The following CRMP1 variants were observed in gnomAD, a reference collection of about 807,000 sequenced individuals.
The protein encoded by CRMP1 is dihydropyrimidinase-related protein 1.
Under a neutral mutation model 68.3 loss-of-function variants are expected in CRMP1, and 19 were observed. The observed-to-expected ratio is 0.28, with a 90% CI of 0.19 to 0.41. The LOEUF (loss-of-function observed/expected upper bound fraction) is 0.41, where lower values mean the gene tolerates loss of function less well. Among genes scored for constraint, CRMP1 ranks in the 10% least tolerant of loss-of-function variants. The pLI is 1.00. For synonymous variants in CRMP1, 439 were observed against 399.6 expected, an observed-to-expected ratio of 1.10 and a Z score of -1.18; for missense variants, 791 against 967.4, an observed-to-expected ratio of 0.82 and a Z score of 2.42.
At chr4:5,868,426 T>C (rs937119144) in intron 1 of CRMP1, among the ~76,000 whole-genome samples, 64 of 151,544 alleles carry the variant, frequency 4.2e-4, no homozygotes, top group African/African-American at 1.5e-3. Context: ...CTCAGCCTCC[T>C]GAGTAGCTGG....
chr4:5,862,306 C>A (rs1713633932), intron 2 of CRMP1, among the ~76,000 whole-genome samples: 1 of 148,052 alleles, frequency 6.8e-6, no homozygotes, highest in South Asian at 2.1e-4. Flanking sequence ...CTTATAATAA[C>A]CAATCCCTTA....
At chr4:5,876,357 G>A (rs971283301) in intron 1 of CRMP1, among the ~76,000 whole-genome samples, 2 of 152,026 alleles carry the variant, frequency 1.3e-5, no homozygotes, top group South Asian at 4.1e-4. Context: ...CCCCACTAGA[G>A]CAGTCATTGC....
In CRMP1 at chr4:5,865,985, C is replaced by A. The variant is rs114374196; in HGVS notation, c.470+683G>T. ...AGGCCTCAGGAAGAACCAACCCTGACGGCAGCTTGATCCGGGACTTCCAGC... is the reference window on the plus strand; with the variant it reads ...AGGCCTCAGGAAGAACCAACCCTGAAGGCAGCTTGATCCGGGACTTCCAGC... On this transcript the variant is annotated intron_variant, in intron 2 of 13. Coordinates refer to ENST00000324989, the MANE Select transcript of CRMP1 (RefSeq NM_001014809.3). The surrounding 1 kb of genome is among the most constrained non-coding windows in gnomAD (Gnocchi z 4.1). 4.3e-3 allele frequency among the ~76,000 whole-genome samples: 653 copies of A among 152,222 alleles called. 2 individuals carry two copies. The highest frequency in any genetic ancestry group is 4.3e-3 in the Non-Finnish European group (290 of 68,006).
rs549227326 is a variant in CRMP1, at chr4:5,842,643, GTC to G, written c.1032+448_1032+449del. Among the ~76,000 whole-genome samples the G allele has an allele frequency of 2.0e-5, 3 of 148,884 alleles. No homozygotes were observed. Among genetic ancestry groups the G allele is most frequent in the African/African-American group, 7.5e-5 (3 of 40,058 alleles). ...TCACTCACACACACACACACGCACTGTCTCTCTCACACACACACACTAACATA... is the reference window on the plus strand; with the variant it reads ...TCACTCACACACACACACACGCACTGTCTCTCACACACACACACTAACATA... On this transcript the variant is annotated intron_variant, in intron 7 of 13. Coordinates refer to ENST00000324989, the MANE Select transcript of CRMP1 (RefSeq NM_001014809.3). This position sits in a 1 kb window ranked among gnomAD's most constrained non-coding sequence, Gnocchi z 4.5.
chr4:5,827,565 G>C (rs578100166), intron 12 of CRMP1, among the ~76,000 whole-genome samples: 1 of 152,140 alleles, frequency 6.6e-6, no homozygotes, highest in South Asian at 2.1e-4. Flanking sequence ...GGACCACACA[G>C]GTACACACAT....
Position 5,859,622 on chromosome 4 carries a change from G to A in CRMP1, c.655+1404C>T, listed in dbSNP as rs937750978. On this transcript the variant is annotated intron_variant, in intron 3 of 13. Coordinates refer to ENST00000324989, the MANE Select transcript of CRMP1 (RefSeq NM_001014809.3). The surrounding 1 kb of genome is among the most constrained non-coding windows in gnomAD (Gnocchi z 5.2). ...GCTGGCCACAGTCATGCAGTTGCCT[G>A]CTGAGTGCCAGTGCTCAGGTTCAAA... is the stretch of plus-strand genomic sequence containing the variant. 6.6e-6 allele frequency among the ~76,000 whole-genome samples: 1 copy of A among 152,224 alleles called. No homozygotes were observed. The highest frequency in any genetic ancestry group is 1.5e-5 in the Non-Finnish European group (1 of 68,046).
chr4:5,844,194 A>AAG (rs1292541240), intron 6 of CRMP1, among the ~76,000 whole-genome samples: 7 of 152,234 alleles, frequency 4.6e-5, no homozygotes, highest in Non-Finnish European at 8.8e-5. Flanking sequence ...AGCTGGGTAG[A>AAG]TTGAAGTAAA....
chr4:5,836,112 G>A (rs1577757783), intron 10 of CRMP1, 27 bp from the exon 11 acceptor site: 3 of 1,435,300 alleles, frequency 2.1e-6, no homozygotes, highest in Non-Finnish European at 2.8e-6. Flanking sequence ...CAGATGAGAA[G>A]AGCATCTCAT....
At position 5,879,072 on chromosome 4, in the gene CRMP1, T is replaced by C. The variant is rs1250543359; in HGVS notation, c.382-12316A>G. On this transcript the variant is annotated intron_variant, in intron 1 of 13. Transcript: ENST00000324989. This position sits in a 1 kb window ranked among gnomAD's most constrained non-coding sequence, Gnocchi z 4.2. ...CCTTTCTGAAATGCAAATCCAACCA[T>C]GCCTCGCTTCTCCTCAAAATCCTTC... Among the ~76,000 whole-genome samples the C allele has an allele frequency of 2.0e-5, 3 of 152,156 alleles. No individual in the cohort carries two copies. Among genetic ancestry groups the C allele is most frequent in the Non-Finnish European group, 2.9e-5 (2 of 68,030 alleles).
Position 5,843,189 on chromosome 4 carries a change from G to A in CRMP1, c.964-28C>T, listed in dbSNP as rs574893177. ...ACAAGACAAGAACAAGTGAGTTAAC[G>A]ATTAGAGGGTGTCAGAGCTGGGAGA... On this transcript the variant is annotated intron_variant, in intron 6 of 13. Transcript: ENST00000324989. The surrounding 1 kb of genome is among the most constrained non-coding windows in gnomAD (Gnocchi z 4.1). 4.2e-5 allele frequency: 67 copies of A among 1,612,598 alleles called. No homozygotes were observed. The highest frequency in any genetic ancestry group is 8.8e-5 in the South Asian group (8 of 91,028).
rs536281999 is a variant in CRMP1, at chr4:5,824,538, C to G, written c.1969+956G>C. 7 of 984,622 alleles carry G rather than the reference C, an allele frequency of 7.1e-6. No individual in the cohort carries two copies. The African/African-American group carries it at 1.2e-4, about 17-fold the overall frequency. The allele number at this position is 984,622 out of a possible 1,614,324, so 61.0% of individuals were successfully genotyped here. On this transcript the variant is annotated intron_variant, in intron 13 of 13. Transcript: ENST00000324989. ...ACTCTCTCTTTTGCTAAGCATATCGCCTTTCCTGACCAGGAATTAGCAAAC... is the reference window on the plus strand; with the variant it reads ...ACTCTCTCTTTTGCTAAGCATATCGGCTTTCCTGACCAGGAATTAGCAAAC...
At position 5,891,950 on chromosome 4, in the gene CRMP1, T is replaced by C. The variant is rs1715969354; in HGVS notation, c.381+639A>G. On this transcript the variant is annotated intron_variant, in intron 1 of 13. Coordinates refer to ENST00000324989, the MANE Select transcript of CRMP1 (RefSeq NM_001014809.3). The surrounding 1 kb of genome is among the most constrained non-coding windows in gnomAD (Gnocchi z 5.2). Reference sequence around the variant, plus strand: ...GGCACATCGGTGTGTGCTGTGGAGCTCAGGAGTGCCCCTTGAATCTACTGG... The same window carrying C: ...GGCACATCGGTGTGTGCTGTGGAGCCCAGGAGTGCCCCTTGAATCTACTGG... Among the ~76,000 whole-genome samples the C allele has an allele frequency of 6.6e-6, 1 of 152,140 alleles. No individual in the cohort carries two copies. The highest frequency in any genetic ancestry group is 2.1e-4 in the South Asian group (1 of 4,830).
chr4:5,851,613 G>T, intron 4 of CRMP1, 144 bp from the exon 5 acceptor site: 3 of 782,978 alleles, frequency 3.8e-6, no homozygotes, highest in Non-Finnish European at 6.5e-6. Flanking sequence ...CACCTATCCA[G>T]CCTGAGGATG....
In CRMP1 at chr4:5,834,073, A is replaced by G. The variant is rs1720562827; in HGVS notation, c.1623+1842T>C. Among the ~76,000 whole-genome samples the G allele has an allele frequency of 6.6e-6, 1 of 152,138 alleles. No individual in the cohort carries two copies. The highest frequency in any genetic ancestry group is 1.5e-5 in the Non-Finnish European group (1 of 68,022). ...CAACAACAAAAGGAATAGTAAGACA[A>G]TCCCAGCTCAGTCTACTTCCTTCTG... On this transcript the variant is annotated intron_variant, in intron 11 of 13. Transcript: ENST00000324989. This position sits in a 1 kb window ranked among gnomAD's most constrained non-coding sequence, Gnocchi z 4.3.
chr4:5,828,447 C>G, intron 12 of CRMP1, 42 bp downstream of exon 12: 1 of 1,599,076 alleles, frequency 6.3e-7, no homozygotes, highest in Non-Finnish European at 8.5e-7. Context: ...GCTGTCGGCT[C>G]TGGTCCCACG....
rs932712724 is a variant in CRMP1 at position 5,861,432 on chromosome 4, G to A, written c.471-222C>T. Among the ~76,000 whole-genome samples the A allele has an allele frequency of 6.6e-6, 1 of 152,208 alleles. No individual in the cohort carries two copies. On this transcript the variant is annotated intron_variant, in intron 2 of 13. Coordinates refer to ENST00000324989, the MANE Select transcript of CRMP1 (RefSeq NM_001014809.3). The surrounding 1 kb of genome is among the most constrained non-coding windows in gnomAD (Gnocchi z 6.0). ...GACTGTTAGAGCCCAGTATAGCAGA[G>A]ATGATCGGGGGCACGAGGAGGGGCC... is the stretch of plus-strand genomic sequence containing the variant.
In CRMP1 at chr4:5,874,386, C is replaced by A. The variant is rs149514440; in HGVS notation, c.382-7630G>T. 2.0e-3 allele frequency among the ~76,000 whole-genome samples: 312 copies of A among 152,314 alleles called. 1 individual carries two copies. The highest frequency in any genetic ancestry group is 7.2e-3 in the African/African-American group (300 of 41,568). The stretch of plus-strand genomic sequence containing the variant: ...GAAGTGGATCTGGAGTCATTGGCTT[C>A]CCCTACGGAGACTTTGGGGTCCACA... On this transcript the variant is annotated intron_variant, in intron 1 of 13. Transcript: ENST00000324989.
intron 13 of CRMP1, among the ~76,000 whole-genome samples, chr4:5,823,867 A>G (rs947315632): frequency 1.3e-5 from 2 of 152,182 alleles, no homozygotes; most frequent in African/African-American, 4.8e-5. Flanking sequence ...ACACTAACTC[A>G]TGGTACAGCT....
In CRMP1 at chr4:5,828,685, A is replaced by C. The variant is rs375506524; in HGVS notation, c.1624-17T>G. On this transcript the variant is annotated splice_polypyrimidine_tract_variant and intron_variant, in intron 11 of 13. Transcript: ENST00000324989. Reference sequence around the variant, plus strand: ...CTCCACCGCCTGCACCAACAGCCTCAGTGTTACTTCCCAGGATTTGCTCTG... The same window carrying C: ...CTCCACCGCCTGCACCAACAGCCTCCGTGTTACTTCCCAGGATTTGCTCTG... 4 of 1,611,298 alleles carry C rather than the reference A, an allele frequency of 2.5e-6. No homozygotes were observed. Among genetic ancestry groups the C allele is most frequent in the Non-Finnish European group, 3.4e-6 (4 of 1,177,688 alleles).
Sources: gnomAD v4.1 joint callset for allele counts (sites outside exome capture counted in the v4.1 genomes callset) on GRCh38, gnomAD v4.1.1 for gene constraint, Gnocchi (gnomAD v3.1) non-coding constraint, MANE v1.5 for transcripts, NCBI Gene and HGNC (gene_info 2026-07-23, HGNC 2026-07-21) for gene names.